ADAM12: variants seen among roughly 807,000 people sequenced by gnomAD.
The protein encoded by ADAM12 is ADAM metallopeptidase domain 12.
ADAM12 carries 70 observed loss-of-function variants against 106.4 expected under a neutral mutation model. The observed-to-expected ratio is 0.66, with a 90% CI of 0.54 to 0.80. The LOEUF is 0.80. Ranked by LOEUF, ADAM12 falls within the 30% of genes least tolerant of loss-of-function variation. The pLI, the probability that ADAM12 is intolerant of heterozygous loss-of-function variation, is 0.00. For synonymous variants in ADAM12, 420 were observed against 433.5 expected, an observed-to-expected ratio of 0.97 and a Z score of 0.39; for missense variants, 1,010 against 1,171.9, an observed-to-expected ratio of 0.86 and a Z score of 2.02.
Position 126,388,410 on chromosome 10 carries a change from G to A in ADAM12, c.-265C>T, listed in dbSNP as rs1394301222. ...GCCAGCCTTGACCGTTGCAATAAATGAGCAAACTGTCCGAGTTGGCCCGGG... is the reference window on the plus strand; with the variant it reads ...GCCAGCCTTGACCGTTGCAATAAATAAGCAAACTGTCCGAGTTGGCCCGGG... On this transcript the variant is annotated 5_prime_UTR_variant, in exon 1 of 23. Transcript: ENST00000448723. The surrounding 1 kb of genome is among the most constrained non-coding windows in gnomAD (Gnocchi z 4.4). 2 of 317,574 alleles carry A rather than the reference G, an allele frequency of 6.3e-6. No individual in the cohort carries two copies. Among genetic ancestry groups the A allele is most frequent in the African/African-American group, 2.2e-5 (1 of 45,782 alleles). The allele number at this position is 317,574 out of a possible 1,614,324, so 19.7% of individuals were successfully genotyped here.
chr10:126,111,028 A>G (rs895240595), intron 6 of ADAM12, among the ~76,000 whole-genome samples: 1 of 152,244 alleles, frequency 6.6e-6, no homozygotes, highest in African/African-American at 2.4e-5. Context: ...TTCCAGTCAC[A>G]TAATCCTGAG....
At chr10:126,152,680 G>T (rs982260131) in intron 4 of ADAM12, among the ~76,000 whole-genome samples, 5 of 151,656 alleles carry the variant, frequency 3.3e-5, no homozygotes, top group African/African-American at 1.2e-4. Flanking sequence ...TAAAAATGAT[G>T]TAGCTGGATT....
chr10:126,346,949 A>T (rs1393907738), intron 1 of ADAM12, among the ~76,000 whole-genome samples: 1 of 152,152 alleles, frequency 6.6e-6, no homozygotes, highest in Non-Finnish European at 1.5e-5. Flanking sequence ...TGAATACAAC[A>T]CACTGATGGG....
chr10:126,157,555 C>A, intron 3 of ADAM12, among the ~76,000 whole-genome samples: 1 of 152,190 alleles, frequency 6.6e-6, no homozygotes, highest in East Asian at 1.9e-4. Context: ...ATCAGTTAGA[C>A]CCCGATGGCA....
intron 2 of ADAM12, among the ~76,000 whole-genome samples, chr10:126,305,467 T>C (rs188656295): frequency 1.3e-5 from 2 of 152,188 alleles, no homozygotes; most frequent in East Asian, 3.9e-4. Context: ...CCAGAGTTGA[T>C]AAGAAAGACT....
chr10:126,071,338 T>G, intron 12 of ADAM12, 139 bp downstream of exon 12: 1 of 1,005,080 alleles, frequency 9.9e-7, no homozygotes, highest in Non-Finnish European at 1.5e-6. Context: ...ACGGGGCTTG[T>G]TCAGGATGGG....
At chr10:126,174,886 G>A (rs1431404593) in intron 3 of ADAM12, among the ~76,000 whole-genome samples, 1 of 151,810 alleles carries the variant, frequency 6.6e-6, no homozygotes, top group Non-Finnish European at 1.5e-5. Flanking sequence ...CCGAGTAGCT[G>A]GGACTACAGG....
chr10:126,246,969 A>G lies in ADAM12; in HGVS notation c.260+31946T>C, dbSNP rs929946989. 6.6e-5 allele frequency among the ~76,000 whole-genome samples: 10 copies of G among 152,344 alleles called. No homozygotes were observed. The East Asian group carries it at 1.9e-3, about 29-fold the overall frequency. On this transcript the variant is annotated intron_variant, in intron 3 of 22. Transcript: ENST00000448723. ...TCCCGTTAGCAGACAACATGATTCTATATCTATTTCTAGCAAACCCCATAG... is the reference window on the plus strand; with the variant it reads ...TCCCGTTAGCAGACAACATGATTCTGTATCTATTTCTAGCAAACCCCATAG...
intron 22 of ADAM12, among the ~76,000 whole-genome samples, chr10:126,019,484 T>C (rs555275283): frequency 6.6e-6 from 1 of 152,212 alleles, no homozygotes; most frequent in South Asian, 2.1e-4. Context: ...TGGCTGTTGA[T>C]AGGCACTGTG....
chr10:126,083,666 C>T (rs1421464066), intron 11 of ADAM12, among the ~76,000 whole-genome samples: 1 of 152,244 alleles, frequency 6.6e-6, no homozygotes, highest in Non-Finnish European at 1.5e-5. Flanking sequence ...AGATCGTGCA[C>T]ACCTGAGGAG....
At chr10:126,114,205 C>G (rs545310117) in intron 6 of ADAM12, among the ~76,000 whole-genome samples, 1 of 152,134 alleles carries the variant, frequency 6.6e-6, no homozygotes, top group Non-Finnish European at 1.5e-5. Flanking sequence ...GACATGTAGG[C>G]GGGCAGAAGT....
intron 3 of ADAM12, among the ~76,000 whole-genome samples, chr10:126,168,844 G>T (rs1400235425): frequency 1.3e-5 from 2 of 152,074 alleles, no homozygotes; most frequent in Admixed American, 6.6e-5. Context: ...CTTGAGGTCA[G>T]GAGTTCGAGA....
At chr10:126,037,224 T>C (rs1232590893) in intron 20 of ADAM12, among the ~76,000 whole-genome samples, 1 of 152,096 alleles carries the variant, frequency 6.6e-6, no homozygotes. Context: ...TGTTTATCCT[T>C]TTACTGGTTG....
intron 3 of ADAM12, among the ~76,000 whole-genome samples, chr10:126,266,567 T>C (rs1959101455): frequency 6.6e-6 from 1 of 152,202 alleles, no homozygotes; most frequent in Admixed American, 6.5e-5. Flanking sequence ...TCAAGCACAC[T>C]GAATACCATA....
chr10:126,344,174 A>G (rs1369664407), intron 1 of ADAM12, among the ~76,000 whole-genome samples: 1 of 152,122 alleles, frequency 6.6e-6, no homozygotes, highest in Non-Finnish European at 1.5e-5. Context: ...TTAAGTCTTT[A>G]ATCCATCTTG....
At chr10:126,359,246 C>T (rs998604231) in intron 1 of ADAM12, among the ~76,000 whole-genome samples, 1 of 152,140 alleles carries the variant, frequency 6.6e-6, no homozygotes, top group African/African-American at 2.4e-5. Flanking sequence ...TCATTCTGCC[C>T]CTGGCTCCTC....
At chr10:126,234,637 C>T (rs1958379343) in intron 3 of ADAM12, among the ~76,000 whole-genome samples, 1 of 152,194 alleles carries the variant, frequency 6.6e-6, no homozygotes, top group Admixed American at 6.5e-5. Context: ...AACAGAAACA[C>T]ACACGCATCC....
intron 3 of ADAM12, among the ~76,000 whole-genome samples, chr10:126,250,432 A>C (rs1958722261): frequency 6.6e-6 from 1 of 152,120 alleles, no homozygotes; most frequent in Non-Finnish European, 1.5e-5. Flanking sequence ...TATGCCTAAT[A>C]ATGAACATTT....
intron 3 of ADAM12, among the ~76,000 whole-genome samples, chr10:126,158,523 A>G (rs1206255316): frequency 1.5e-5 from 1 of 68,900 alleles, no homozygotes; most frequent in African/African-American, 4.7e-5. Context: ...GAGCACGGGG[A>G]GGATGCACAG....
Sources: allele counts gnomAD v4.1 joint callset (sites outside exome capture counted in the v4.1 genomes callset), GRCh38; gene constraint gnomAD v4.1.1; non-coding constraint Gnocchi (gnomAD v3.1); transcripts MANE v1.5; gene names NCBI Gene and HGNC (gene_info 2026-07-23, HGNC 2026-07-21).